Variants in DENND6A observed in about 807,000 individuals in gnomAD.
DENND6A encodes DENN domain containing 6A, also known as protein DENND6A.
A neutral mutation model predicts 95.5 loss-of-function variants in DENND6A; 43 were observed. The ratio of observed to expected loss-of-function variants is 0.45; its 90% CI spans 0.35 to 0.58. The LOEUF (loss-of-function observed/expected upper bound fraction) is 0.58. DENND6A is among the 20% of genes least tolerant of loss of function. DENND6A has a pLI of 0.00. For missense variants in DENND6A, 574 were observed against 736.0 expected, an observed-to-expected ratio of 0.78 and a Z score of 2.55; for synonymous variants, 257 against 260.4, an observed-to-expected ratio of 0.99 and a Z score of 0.13.
chr3:57,649,800 A>AC (rs1409560979), intron 9 of DENND6A, among the ~76,000 whole-genome samples: 75 of 147,290 alleles, frequency 5.1e-4, no homozygotes, highest in Admixed American at 1.4e-3. Flanking sequence ...TGTTGGATTG[A>AC]CCCCCCACCC....
In DENND6A at chr3:57,686,671, T is replaced by C. The variant is rs907699396; in HGVS notation, c.237+6111A>G. ...TGATAAGTTATCTTTGATGTTACTA[T>C]TGTAATTGTTTGGGGGCACCACAAA... is the stretch of plus-strand genomic sequence containing the variant. On this transcript the variant is annotated intron_variant, in intron 1 of 19. Coordinates refer to ENST00000311128, the MANE Select transcript of DENND6A (RefSeq NM_152678.3). 2.0e-5 allele frequency among the ~76,000 whole-genome samples: 3 copies of C among 152,232 alleles called. No homozygotes were observed. The East Asian group carries it at 5.8e-4, about 29-fold the overall frequency.
In DENND6A at chr3:57,678,435, A is replaced by AT. The variant is rs573538834; in HGVS notation, c.238-5998dup. Among the ~76,000 whole-genome samples, 631 of 151,928 alleles carry AT rather than the reference A, an allele frequency of 4.2e-3. 6 individuals carry two copies. Among genetic ancestry groups the AT allele is most frequent in the African/African-American group, 0.015 (606 of 41,432 alleles). Reference sequence around the variant, plus strand: ...GAGAACAAAAATAGTTTAAGATAAGATTTTTTTTTCCAGGCAATTGGGGAG... The same window carrying AT: ...GAGAACAAAAATAGTTTAAGATAAGATTTTTTTTTTCCAGGCAATTGGGGAG... On this transcript the variant is annotated intron_variant, in intron 1 of 19. Transcript: ENST00000311128.
chr3:57,663,049 T>C (rs1334432027), intron 5 of DENND6A, among the ~76,000 whole-genome samples: 1 of 145,490 alleles, frequency 6.9e-6, no homozygotes, highest in Non-Finnish European at 1.5e-5. Flanking sequence ...GGGAATACAG[T>C]ACCTGTACTC....
At chr3:57,638,673 C>CTAAA (rs1015641026) in intron 12 of DENND6A, among the ~76,000 whole-genome samples, 8 of 151,492 alleles carry the variant, frequency 5.3e-5, no homozygotes, top group African/African-American at 9.7e-5. Flanking sequence ...AAATAAATAA[C>CTAAA]TAAATAAATA....
At chr3:57,641,415 T>C (rs1394378258) in intron 12 of DENND6A, among the ~76,000 whole-genome samples, 1 of 147,530 alleles carries the variant, frequency 6.8e-6, no homozygotes, top group African/African-American at 2.5e-5. Flanking sequence ...ATAAGTGTTA[T>C]ATTATTATTC....
intron 2 of DENND6A, 33 bp downstream of exon 2, chr3:57,672,367 C>T (rs2071632801): frequency 6.2e-7 from 1 of 1,611,380 alleles, no homozygotes; most frequent in East Asian, 2.2e-5. Context: ...AGAAATATAA[C>T]AGTAAACTAT....
chr3:57,677,419 CTTTTT>C (rs71088101), intron 1 of DENND6A, among the ~76,000 whole-genome samples: 3 of 68,706 alleles, frequency 4.4e-5, no homozygotes, highest in Non-Finnish European at 5.1e-5. Context: ...CTTTGTTGTC[CTTTTT>C]TTTTTTTTTT....
At chr3:57,679,508 A>C in intron 1 of DENND6A, 1 of 985,488 alleles carries the variant, frequency 1.0e-6, no homozygotes, top group Non-Finnish European at 1.2e-6. Flanking sequence ...GCAAAAATAA[A>C]TGAATACAGC....
intron 12 of DENND6A, among the ~76,000 whole-genome samples, chr3:57,636,492 T>C (rs2070795157): frequency 6.6e-6 from 1 of 152,080 alleles, no homozygotes; most frequent in Non-Finnish European, 1.5e-5. Flanking sequence ...CAAAATATGA[T>C]ACAGAGAAAT....
intron 15 of DENND6A, among the ~76,000 whole-genome samples, chr3:57,632,023 T>TC (rs2070693275): frequency 8.6e-6 from 1 of 116,298 alleles, no homozygotes; most frequent in Non-Finnish European, 1.8e-5. Flanking sequence ...CGCCCGGCCT[T>TC]TTTTTTTTTT....
intron 3 of DENND6A, among the ~76,000 whole-genome samples, chr3:57,667,650 A>T (rs1052121322): frequency 2.6e-5 from 4 of 152,180 alleles, no homozygotes; most frequent in African/African-American, 9.7e-5. Context: ...GCTTCTCACA[A>T]TTTATTCCAT....
intron 1 of DENND6A, among the ~76,000 whole-genome samples, chr3:57,690,624 C>T (rs1031265388): frequency 1.5e-4 from 22 of 150,536 alleles, no homozygotes; most frequent in African/African-American, 4.9e-4. Flanking sequence ...GTGGAGGTTG[C>T]AGTGAGCCGA....
Position 57,625,464 on chromosome 3 carries a change from T to G in DENND6A, c.*2750A>C, listed in dbSNP as rs2070509082. 1 of 152,580 alleles carries G rather than the reference T, an allele frequency of 6.6e-6. No homozygotes were observed. The highest frequency in any genetic ancestry group is 2.4e-5 in the African/African-American group (1 of 41,436). The allele number at this position is 152,580 out of a possible 1,614,324, so 9.5% of individuals were successfully genotyped here. ...CACAAAATATCCAAGTGCTTTAAAATCCAAGGCCTTTAATTTAGTTTTTGG... is the reference window on the plus strand; with the variant it reads ...CACAAAATATCCAAGTGCTTTAAAAGCCAAGGCCTTTAATTTAGTTTTTGG... On this transcript the variant is annotated 3_prime_UTR_variant, in exon 20 of 20. Transcript: ENST00000311128.
intron 1 of DENND6A, 56 bp from the exon 2 acceptor site, chr3:57,672,494 T>C: frequency 6.5e-7 from 1 of 1,549,690 alleles, no homozygotes; most frequent in Non-Finnish European, 8.8e-7. Context: ...GTTATAAACA[T>C]ATTATAGGCC....
chr3:57,641,235 TTAAA>T (rs2070924923), intron 12 of DENND6A, among the ~76,000 whole-genome samples: 1 of 144,044 alleles, frequency 6.9e-6, no homozygotes. Context: ...ATTTAAATAT[TTAAA>T]TATATATTAT....
Position 57,660,012 on chromosome 3 carries a change from T to C in DENND6A, c.699+748A>G, listed in dbSNP as rs144463535. 1.3e-3 allele frequency among the ~76,000 whole-genome samples: 192 copies of C among 152,314 alleles called. 1 individual carries two copies. The highest frequency in any genetic ancestry group is 3.5e-3 in the Admixed American group (53 of 15,292). ...ATACAAATGACACTCTTCTGCAAAC[T>C]CTACAGGATGCCATGAGATCAGAGG... On this transcript the variant is annotated intron_variant, in intron 7 of 19. Coordinates refer to ENST00000311128, the MANE Select transcript of DENND6A (RefSeq NM_152678.3).
chr3:57,635,200 GGTTTTGTTTT>G (rs140021615), intron 12 of DENND6A, among the ~76,000 whole-genome samples: 43 of 151,460 alleles, frequency 2.8e-4, no homozygotes, highest in East Asian at 9.7e-4. Context: ...GGGTTTGTGG[GGTTTTGTTTT>G]GTTTTGTTTT....
chr3:57,641,735 T>A lies in DENND6A; in HGVS notation c.1050A>T (p.Ile350=), dbSNP rs763452163. 43 of 1,612,970 alleles carry A rather than the reference T, an allele frequency of 2.7e-5. No homozygotes were observed. The East Asian group carries it at 9.1e-4, about 34-fold the overall frequency. ...TTRTQAPPSV[I]LGVTNPFFAK... is the part of the protein sequence containing the mutation. ...CAAAAAAAGGGTTGGTTACTCCTAA[T>A]ATAACTGAGGGCCTATAAAAAACAA... Residue 350 remains isoleucine, a synonymous_variant, in exon 12 of 20, where the codon ATA becomes ATT. Transcript: ENST00000311128.
chr3:57,628,168 G>C lies in DENND6A; in HGVS notation c.*46C>G, dbSNP rs2070573362. On this transcript the variant is annotated 3_prime_UTR_variant, in exon 20 of 20. Transcript: ENST00000311128. ...GTGCGTCTGGTTGAAATGTCAGTAT[G>C]CTTCATGATGCATAATCCTTTTTGG... 6.3e-7 allele frequency: 1 copy of C among 1,588,662 alleles called. No individual in the cohort carries two copies. Among genetic ancestry groups the C allele is most frequent in the Admixed American group, 1.8e-5 (1 of 56,804 alleles).
Sources: allele counts gnomAD v4.1 joint callset (sites outside exome capture counted in the v4.1 genomes callset), GRCh38; gene constraint gnomAD v4.1.1; transcripts MANE v1.5; gene names NCBI Gene and HGNC (gene_info 2026-07-23, HGNC 2026-07-21).